The following IFT70A variants were observed in gnomAD, a reference collection of about 807,000 sequenced individuals.
IFT70A encodes intraflagellar transport protein 70A.
At chr2:177,613,039 T>C in the IFT70A span, 1 of 152,240 alleles carries the variant, frequency 6.6e-6, no homozygotes, top group Admixed American at 6.5e-5. Flanking sequence ...CCAGAACCAT[T>C]TTATAATTTT....
the IFT70A span, chr2:177,618,501 G>C: frequency 2.5e-6 from 4 of 1,586,018 alleles, no homozygotes; most frequent in Non-Finnish European, 3.4e-6. Context: ...GCTGCTCATA[G>C]CACTCGGCCG....
At chr2:177,615,367 T>G in the IFT70A span, 1 of 152,178 alleles carries the variant, frequency 6.6e-6, no homozygotes, top group Non-Finnish European at 1.5e-5. Context: ...AAACAAACAT[T>G]AGTACAAAAA....
At chr2:177,617,519 T>C in the IFT70A span, 1 of 1,614,230 alleles carries the variant, frequency 6.2e-7, no homozygotes, top group Non-Finnish European at 8.5e-7. Context: ...TGTACTTGCT[T>C]GGTGAGTCTC....
At chr2:177,618,477 G>A in the IFT70A span, 1 of 1,589,626 alleles carries the variant, frequency 6.3e-7, no homozygotes, top group Non-Finnish European at 8.6e-7. Context: ...CCAGTTCCGG[G>A]TGCAGCTGGC....
chr2:177,616,938 T>C, the IFT70A span: 1 of 1,604,590 alleles, frequency 6.2e-7, no homozygotes, highest in South Asian at 1.1e-5. Context: ...ACAGGAAGCA[T>C]CTTTTGGCAT....
At chr2:177,618,297 C>T in the IFT70A span, 1 of 1,614,192 alleles carries the variant, frequency 6.2e-7, no homozygotes, top group Non-Finnish European at 8.5e-7. Context: ...GCTGCTCCAC[C>T]AGGCTCCTGG....
At chr2:177,618,654 C>A in the IFT70A span, 2 of 1,605,838 alleles carry the variant, frequency 1.2e-6, no homozygotes, top group South Asian at 1.1e-5. Flanking sequence ...GGTACACTAG[C>A]GCGGTAAACT....
chr2:177,616,758 A>C, the IFT70A span: 2 of 1,571,540 alleles, frequency 1.3e-6, no homozygotes, highest in African/African-American at 2.7e-5. Context: ...GTCTGGACTC[A>C]TCTGTGACTG....
chr2:177,617,795 T>C, the IFT70A span: 3 of 1,614,166 alleles, frequency 1.9e-6, no homozygotes, highest in Non-Finnish European at 2.5e-6. Context: ...AACCCTTCTG[T>C]AGGCCTGGCA....
chr2:177,618,546 G>T, the IFT70A span: 1 of 1,594,650 alleles, frequency 6.3e-7, no homozygotes, highest in Non-Finnish European at 8.5e-7. Context: ...AGTAGCAGTA[G>T]CCTAGCAGCG....
chr2:177,616,901 T>C, the IFT70A span: 1 of 1,596,240 alleles, frequency 6.3e-7, no homozygotes, highest in Non-Finnish European at 8.5e-7. Context: ...ATGACTATCA[T>C]GTGTTTTGAC....
At chr2:177,616,825 A>G in the IFT70A span, 1 of 1,600,770 alleles carries the variant, frequency 6.2e-7, no homozygotes, top group East Asian at 2.2e-5. Flanking sequence ...AACAGCAGGT[A>G]TGTTTGTGCC....
At chr2:177,617,628 G>C in the IFT70A span, 1 of 1,614,244 alleles carries the variant, frequency 6.2e-7, no homozygotes, top group East Asian at 2.2e-5. Context: ...AGAAGTCATA[G>C]AGATAGGGTG....
the IFT70A span, chr2:177,616,094 A>G: frequency 6.6e-6 from 1 of 152,214 alleles, no homozygotes; most frequent in African/African-American, 2.4e-5. Flanking sequence ...AAACCTCATA[A>G]CCTGAAAAGA....
chr2:177,616,982 A>C, the IFT70A span: 1 of 1,612,276 alleles, frequency 6.2e-7, no homozygotes, highest in Admixed American at 1.7e-5. Flanking sequence ...TTTTTATTAT[A>C]AGGCTCCAAG....
chr2:177,616,929 C>T, the IFT70A span: 1 of 1,602,688 alleles, frequency 6.2e-7, no homozygotes, highest in Non-Finnish European at 8.5e-7. Flanking sequence ...CTAACAAGGA[C>T]AGGAAGCATC....
chr2:177,618,067 G>A, the IFT70A span: 1 of 1,614,110 alleles, frequency 6.2e-7, no homozygotes, highest in Non-Finnish European at 8.5e-7. Flanking sequence ...AATAATCTCA[G>A]CGATATGCTT....
At chr2:177,618,316 A>G in the IFT70A span, 3 of 1,614,046 alleles carry the variant, frequency 1.9e-6, no homozygotes, top group Non-Finnish European at 2.5e-6. Context: ...GGACCCTGGC[A>G]GATCGCCCTC....
the IFT70A span, chr2:177,617,433 G>A: frequency 3.7e-6 from 6 of 1,609,086 alleles, no homozygotes; most frequent in Non-Finnish European, 4.2e-6. Context: ...ACACAGGAAT[G>A]TATTTCTCCA....
Sources: gnomAD v4.1 joint callset for allele counts on GRCh38, gnomAD v4.1.1 for gene constraint, MANE v1.5 for transcripts, NCBI Gene and HGNC (gene_info 2026-07-23, HGNC 2026-07-21) for gene names.